Variants in ZFAT observed in about 807,000 individuals in gnomAD.
ZFAT encodes the protein zinc finger and AT-hook domain containing.
ZFAT carries 64 observed loss-of-function variants against 117.7 expected under a neutral mutation model. The ratio of observed to expected loss-of-function variants is 0.54; its 90% confidence interval spans 0.44 to 0.67. ZFAT has a LOEUF of 0.67. ZFAT is among the 30% of genes least tolerant of loss of function. The probability of loss-of-function intolerance (pLI) is 0.00; values close to 1 mark genes in which losing one functional copy is unlikely to be tolerated. For synonymous variants in ZFAT, 679 were observed against 615.0 expected (o/e 1.10, Z -1.54); for missense variants, 1,433 against 1,584.5 (o/e 0.90, Z 1.62).
chr8:134,794,966 T>C, the ZFAT span: 1 of 152,204 alleles, frequency 6.6e-6, no homozygotes, highest in African/African-American at 2.4e-5. Context: ...AACAACCTGA[T>C]AGCCACCATT....
intron 15 of ZFAT, among the ~76,000 whole-genome samples, chr8:134,495,038 T>C (rs1024953403): frequency 3.9e-5 from 6 of 152,194 alleles, no homozygotes; most frequent in African/African-American, 1.4e-4. Context: ...TGGCCTGGTC[T>C]TAAGTCTCTC....
At chr8:134,770,548 A>T in the ZFAT span, among the ~76,000 whole-genome samples, 1 of 152,208 alleles carries the variant, frequency 6.6e-6, no homozygotes, top group Non-Finnish European at 1.5e-5. Flanking sequence ...CCATGTGATA[A>T]TTGTATTAAC....
rs1275164915 is a variant in ZFAT at position 134,499,447 on chromosome 8, C to T, written c.3492+10172G>A. 6.6e-4 allele frequency among the ~76,000 whole-genome samples: 52 copies of T among 78,746 alleles called. 1 individual carries two copies. Among genetic ancestry groups the T allele is most frequent in the South Asian group, 9.5e-4 (2 of 2,108 alleles). 51.7% of individuals were successfully genotyped at this position (78,746 alleles called of 152,430 possible). On this transcript the variant is annotated intron_variant, in intron 15 of 15. Coordinates refer to ENST00000377838, the MANE Select transcript of ZFAT (RefSeq NM_020863.4). ...AGAGCGTGATTTGGTAGGGTTGGCA[C>T]GGAGCTGGGATGCCCCCGTTGCTGG...
chr8:134,770,081 A>G, the ZFAT span, among the ~76,000 whole-genome samples: 240 of 152,344 alleles, frequency 1.6e-3, 3 homozygotes, highest in South Asian at 0.024. Context: ...AAGGTCTCTG[A>G]CATGCCCTGG....
Position 134,657,729 on chromosome 8 carries a change from C to T in ZFAT, c.28G>A (p.Ala10Thr). ...TTACAACATTTACACATAAAGATGGCCGTGTTTTCTGTAAGGAAAAAAAAG... is the reference window on the plus strand; with the variant it reads ...TTACAACATTTACACATAAAGATGGTCGTGTTTTCTGTAAGGAAAAAAAAG... METRAAENT[A>T]IFMCKCCNLF... The change falls in exon 2 of 16, where the codon GCC (alanine) becomes ACC (threonine). Residue 10 changes from alanine (A) to threonine (T), a missense_variant. By Grantham distance (58) the Ala-to-Thr change is moderately conservative. Around this residue, in one of 5 missense-constraint regions of ZFAT, gnomAD observed 436 missense variants for 482.0 expected, o/e 0.90. Coordinates refer to ENST00000377838, the MANE Select transcript of ZFAT (RefSeq NM_020863.4). 2 of 1,606,806 alleles carry T rather than the reference C, an allele frequency of 1.2e-6. No homozygotes were observed. The highest frequency in any genetic ancestry group is 1.7e-6 in the Non-Finnish European group (2 of 1,177,528).
chr8:134,635,133 CG>C, intron 3 of ZFAT, among the ~76,000 whole-genome samples: 1 of 151,982 alleles, frequency 6.6e-6, no homozygotes, highest in African/African-American at 2.4e-5. Context: ...GCCACAGACC[CG>C]TACAAACCTG....
At chr8:134,576,238 G>C (rs1586739200) in intron 10 of ZFAT, among the ~76,000 whole-genome samples, 1 of 152,308 alleles carries the variant, frequency 6.6e-6, no homozygotes, top group East Asian at 1.9e-4. Context: ...TCATTTTATA[G>C]TATGGGCCCA....
At chr8:134,519,540 T>C (rs961262517) in intron 13 of ZFAT, among the ~76,000 whole-genome samples, 1 of 152,252 alleles carries the variant, frequency 6.6e-6, no homozygotes, top group East Asian at 1.9e-4. Flanking sequence ...CTGTTGTATG[T>C]TGATATTTTA....
At chr8:134,596,502 T>C (rs540675317) in intron 7 of ZFAT, among the ~76,000 whole-genome samples, 1 of 152,358 alleles carries the variant, frequency 6.6e-6, no homozygotes, top group African/African-American at 2.4e-5. Flanking sequence ...TTCATAATTT[T>C]TGAAAACCCT....
At chr8:134,661,172 C>T (rs1366313109) in intron 1 of ZFAT, among the ~76,000 whole-genome samples, 1 of 152,204 alleles carries the variant, frequency 6.6e-6, no homozygotes, top group South Asian at 2.1e-4. Context: ...TGCTGCAGGG[C>T]AGTGAAACTC....
intron 1 of ZFAT, among the ~76,000 whole-genome samples, chr8:134,707,539 A>C (rs1284426245): frequency 2.0e-5 from 3 of 152,162 alleles, no homozygotes; most frequent in Non-Finnish European, 4.4e-5. Flanking sequence ...TAACACTAAG[A>C]AAGAAGCCAG....
intron 11 of ZFAT, among the ~76,000 whole-genome samples, chr8:134,536,525 A>G (rs1213768151): frequency 6.6e-6 from 1 of 152,174 alleles, no homozygotes; most frequent in Non-Finnish European, 1.5e-5. Context: ...ACTGAGCCTC[A>G]TCTAGGCTCT....
chr8:134,502,687 G>A (rs1368810292), intron 15 of ZFAT, among the ~76,000 whole-genome samples: 2 of 152,236 alleles, frequency 1.3e-5, no homozygotes, highest in Non-Finnish European at 2.9e-5. Context: ...GGTGATTTGG[G>A]CAAAGCTGGA....
intron 1 of ZFAT, among the ~76,000 whole-genome samples, chr8:134,698,401 T>C (rs1833930996): frequency 6.6e-6 from 1 of 151,374 alleles, no homozygotes; most frequent in African/African-American, 2.4e-5. Flanking sequence ...ATAGAGAGCA[T>C]GCCCAGAAGA....
the ZFAT span, among the ~76,000 whole-genome samples, chr8:134,805,674 T>C: frequency 6.6e-6 from 1 of 152,246 alleles, no homozygotes; most frequent in East Asian, 1.9e-4. Flanking sequence ...TTTGCTTTAA[T>C]TTAAAATATG....
At chr8:134,606,103 A>G (rs1447444988) in intron 5 of ZFAT, among the ~76,000 whole-genome samples, 1 of 152,228 alleles carries the variant, frequency 6.6e-6, no homozygotes, top group Non-Finnish European at 1.5e-5. Flanking sequence ...GGTGCCTGCA[A>G]TAAGAGACTA....
chr8:134,487,091 T>A (rs1245356688), intron 15 of ZFAT, among the ~76,000 whole-genome samples: 1 of 152,198 alleles, frequency 6.6e-6, no homozygotes, highest in Non-Finnish European at 1.5e-5. Context: ...TGTGTGTACA[T>A]GAATATTGTG....
At chr8:134,534,883 C>G (rs1393336841) in intron 11 of ZFAT, among the ~76,000 whole-genome samples, 8 of 152,112 alleles carry the variant, frequency 5.3e-5, no homozygotes, top group Admixed American at 5.2e-4. Context: ...GGCCCCTTGC[C>G]CACCGCCTGC....
the ZFAT span, among the ~76,000 whole-genome samples, chr8:134,810,663 C>T: frequency 1.3e-5 from 2 of 152,142 alleles, no homozygotes; most frequent in African/African-American, 4.8e-5. Context: ...ACACCAGTTT[C>T]CCAATCTGTA....
Sources: allele counts gnomAD v4.1 joint callset (sites outside exome capture counted in the v4.1 genomes callset), GRCh38; gene constraint gnomAD v4.1.1; regional missense constraint gnomAD v4.1.1; transcripts MANE v1.5; gene names NCBI Gene and HGNC (gene_info 2026-07-23, HGNC 2026-07-21).